The following PLCE1 variants were observed in gnomAD, a reference collection of about 807,000 sequenced individuals.
The protein encoded by PLCE1 is phospholipase C epsilon 1.
Under a neutral mutation model 242.8 loss-of-function variants are expected in PLCE1, and 119 were observed. The ratio of observed to expected loss-of-function variants is 0.49; its 90% CI spans 0.42 to 0.57. The LOEUF (loss-of-function observed/expected upper bound fraction) is 0.57. Among genes scored for constraint, PLCE1 ranks in the 20% least tolerant of loss-of-function variants. PLCE1 has a pLI of 0.00. For synonymous variants in PLCE1, 945 were observed against 1,017.4 expected, an observed-to-expected ratio of 0.93 and a Z score of 1.35; for missense variants, 2,441 against 2,788.8, an observed-to-expected ratio of 0.88 and a Z score of 2.81.
chr10:94,117,153 C>T (rs888780764), intron 2 of PLCE1, among the ~76,000 whole-genome samples: 4 of 152,184 alleles, frequency 2.6e-5, no homozygotes, highest in African/African-American at 7.2e-5. Flanking sequence ...GTGAATGGCT[C>T]AGCAAGGTTG....
chr10:94,219,767 G>A (rs1325370446), intron 4 of PLCE1, among the ~76,000 whole-genome samples: 1 of 152,110 alleles, frequency 6.6e-6, no homozygotes, highest in Non-Finnish European at 1.5e-5. Context: ...TGGATAAGTG[G>A]CAGGTAACAG....
chr10:94,038,884 C>G (rs2061714802), intron 2 of PLCE1, among the ~76,000 whole-genome samples: 1 of 152,112 alleles, frequency 6.6e-6, no homozygotes, highest in African/African-American at 2.4e-5. Context: ...CCTCTATCGC[C>G]CCATCCTGTG....
chr10:94,046,272 T>C (rs2061881608), intron 2 of PLCE1, among the ~76,000 whole-genome samples: 1 of 152,126 alleles, frequency 6.6e-6, no homozygotes, highest in Non-Finnish European at 1.5e-5. Context: ...AGCCATGGGG[T>C]CCCTCCCAGT....
intron 22 of PLCE1, among the ~76,000 whole-genome samples, chr10:94,290,200 CT>C (rs1336831048): frequency 9.5e-4 from 136 of 142,510 alleles, no homozygotes; most frequent in Admixed American, 1.3e-3. Context: ...GCTAATTTTT[CT>C]TTTTTTTTTT....
At chr10:94,316,109 A>G (rs1050326687) in intron 28 of PLCE1, among the ~76,000 whole-genome samples, 1 of 152,208 alleles carries the variant, frequency 6.6e-6, no homozygotes, top group South Asian at 2.1e-4. Flanking sequence ...CCAGGAACTT[A>G]GACCACATGA....
rs559391598 is a variant in PLCE1 at position 94,294,951 on chromosome 10, TG to T, written c.5167+1313del. Among the ~76,000 whole-genome samples the T allele has an allele frequency of 2.0e-3, 301 of 147,236 alleles. 1 individual carries two copies. The highest frequency in any genetic ancestry group is 7.3e-3 in the African/African-American group (289 of 39,320). ...TTTTTTTTGAGACGGAGTCTTGCTC[TG>T]TCACCCAGGCTGGAGTGCGGTGGCA... is the stretch of plus-strand genomic sequence containing the variant. On this transcript the variant is annotated intron_variant, in intron 23 of 32. Transcript: ENST00000371380.
intron 25 of PLCE1, among the ~76,000 whole-genome samples, chr10:94,304,902 ACT>A (rs1017204525): frequency 2.0e-5 from 3 of 152,038 alleles, no homozygotes; most frequent in Admixed American, 6.6e-5. Context: ...GATGATGGTA[ACT>A]CTGTCTTCCA....
In PLCE1 at chr10:94,248,193, C is replaced by A. The variant is rs560590381; in HGVS notation, c.3096+1572C>A. 7.2e-5 allele frequency among the ~76,000 whole-genome samples: 11 copies of A among 152,274 alleles called. No homozygotes were observed. In the South Asian group the frequency reaches 2.3e-3, roughly 32 times the overall value. The stretch of plus-strand genomic sequence containing the variant: ...CCATGTCACGATTATGAGCAGAGAC[C>A]ATATCCTGAGTGACTAACTTGATTA... On this transcript the variant is annotated intron_variant, in intron 8 of 32. Transcript: ENST00000371380.
At chr10:94,255,624 A>G (rs926325940) in intron 11 of PLCE1, among the ~76,000 whole-genome samples, 4 of 152,174 alleles carry the variant, frequency 2.6e-5, no homozygotes, top group African/African-American at 4.8e-5. Flanking sequence ...GTCTAGAGGA[A>G]TGAATTCAAG....
chr10:94,249,203 G>A (rs574223918), intron 8 of PLCE1, among the ~76,000 whole-genome samples: 6 of 152,272 alleles, frequency 3.9e-5, no homozygotes, highest in African/African-American at 1.4e-4. Context: ...CTTAGAAACA[G>A]ACACTCAAGA....
chr10:94,168,858 A>T (rs1022177961), intron 3 of PLCE1, among the ~76,000 whole-genome samples: 1 of 152,182 alleles, frequency 6.6e-6, no homozygotes, highest in Non-Finnish European at 1.5e-5. Flanking sequence ...TACATATATT[A>T]TCAGTATCTA....
intron 1 of PLCE1, among the ~76,000 whole-genome samples, chr10:94,026,977 G>C (rs905159339): frequency 1.1e-4 from 17 of 152,090 alleles, no homozygotes; most frequent in African/African-American, 4.1e-4. Context: ...TGATGGAGTA[G>C]GTGATTTTAT....
chr10:94,254,158 G>A, intron 9 of PLCE1, 32 bp from the exon 10 acceptor site: 1 of 1,491,442 alleles, frequency 6.7e-7, no homozygotes, highest in Non-Finnish European at 9.4e-7. Flanking sequence ...AGAAATACAG[G>A]CTTGGAACCA....
In PLCE1 at chr10:94,132,295, A is replaced by G; in HGVS notation, c.1328A>G (p.Lys443Arg). The G allele has an allele frequency of 6.2e-7, 1 of 1,613,996 alleles. No individual in the cohort carries two copies. Among genetic ancestry groups the G allele is most frequent in the Non-Finnish European group, 8.5e-7 (1 of 1,180,002 alleles). ...AGGATAAGCGTTGGTCCATGCTTAA[A>G]GCAATGTGTCCGAGACACTGTATGT... is the stretch of plus-strand genomic sequence containing the variant. ...HGRISVGPCLKQCVRDTVCEY... is the reference protein window; with the variant it reads ...HGRISVGPCLRQCVRDTVCEY... Residue 443 changes from lysine to arginine, a missense_variant, in exon 3 of 33, where the codon AAG becomes AGG. Physicochemically the swap from Lys to Arg is conservative, Grantham distance 26. Transcript: ENST00000371380.
intron 4 of PLCE1, among the ~76,000 whole-genome samples, chr10:94,181,750 T>A (rs2048318808): frequency 6.7e-6 from 1 of 149,862 alleles, no homozygotes; most frequent in Non-Finnish European, 1.5e-5. Flanking sequence ...AGATCCTGTA[T>A]CTACAAAAAA....
chr10:94,294,678 A>C (rs975034196), intron 23 of PLCE1, among the ~76,000 whole-genome samples: 3 of 152,224 alleles, frequency 2.0e-5, no homozygotes, highest in African/African-American at 7.2e-5. Flanking sequence ...ACAAAATGCT[A>C]ACAATCATCT....
chr10:94,091,557 T>C (rs1320325566), intron 2 of PLCE1, among the ~76,000 whole-genome samples: 3 of 152,122 alleles, frequency 2.0e-5, no homozygotes, highest in Non-Finnish European at 4.4e-5. Flanking sequence ...TTGAGGATTC[T>C]AGTGACAGCA....
Position 94,329,873 on chromosome 10 carries a change from A to G in PLCE1, c.*1930A>G, listed in dbSNP as rs555438133. ...GGGTCAAAGCCTTAAGGCTAGAACT[A>G]CCATTTTCTTGTCAACAGAATTCAG... On this transcript the variant is annotated 3_prime_UTR_variant, in exon 33 of 33. Coordinates refer to ENST00000371380, the MANE Select transcript of PLCE1 (RefSeq NM_016341.4). The G allele has an allele frequency of 6.6e-6, 1 of 150,960 alleles. No homozygotes were observed. The highest frequency in any genetic ancestry group is 2.4e-5 in the African/African-American group (1 of 41,200). 9.4% of individuals were successfully genotyped at this position (150,960 alleles called of 1,614,324 possible).
chr10:94,082,049 A>G (rs2044668131), intron 2 of PLCE1: 1 of 152,218 alleles, frequency 6.6e-6, no homozygotes, highest in African/African-American at 2.4e-5. Flanking sequence ...TAATATAAGC[A>G]TTCACTCAGG....
Sources: allele counts gnomAD v4.1 joint callset (sites outside exome capture counted in the v4.1 genomes callset), GRCh38; gene constraint gnomAD v4.1.1; transcripts MANE v1.5; gene names NCBI Gene and HGNC (gene_info 2026-07-23, HGNC 2026-07-21).